Variants in DLGAP1 observed in about 807,000 individuals in gnomAD.
DLGAP1 encodes the protein disks large-associated protein 1.
Under a neutral mutation model 90.8 loss-of-function variants are expected in DLGAP1, and 11 were observed. The observed-to-expected ratio is 0.12, with a 90% confidence interval of 0.08 to 0.20. The LOEUF (loss-of-function observed/expected upper bound fraction) is 0.20. Ranked by LOEUF, DLGAP1 falls within the 10% of genes least tolerant of loss-of-function variation. DLGAP1 has a pLI of 1.00. For missense variants in DLGAP1, 1,050 were observed against 1,333.8 expected (o/e 0.79, Z 3.31); for synonymous variants, 558 against 540.7 (o/e 1.03, Z -0.44).
Position 3,879,836 on chromosome 18 carries a change from T to A in DLGAP1, c.233A>T (p.Gln78Leu). 1 of 1,609,458 alleles carries A rather than the reference T, an allele frequency of 6.2e-7. No individual in the cohort carries two copies. Among genetic ancestry groups the A allele is most frequent in the Non-Finnish European group, 8.5e-7 (1 of 1,179,850 alleles). Residue 78 changes from glutamine to leucine, a missense_variant, in exon 4 of 13, where the codon CAG becomes CTG. Around this residue, in one of 2 missense-constraint regions of DLGAP1, gnomAD observed 485 missense variants for 454.1 expected, o/e 1.07. Transcript: ENST00000315677. The surrounding 1 kb of genome is among the most constrained non-coding windows in gnomAD (Gnocchi z 6.6). ...GGCACACTCGTCCTTCAGCTCTTGC[T>A]GCGAGGTGTAGTGCCTGCGGGGGAA... ...STFPRRHYTS[Q>L]QELKDECALV...
rs527757156 is a variant in DLGAP1, at chr18:3,727,580, G to C, written c.1591+1555C>G. 6.6e-5 allele frequency: 10 copies of C among 152,338 alleles called. No homozygotes were observed. In the East Asian group the frequency reaches 1.9e-3, roughly 29 times the overall value. 9.4% of individuals were successfully genotyped at this position (152,338 alleles called of 1,614,324 possible). ...AGAATGGACCAGACACTGGGAACGGGTTGTGTGTTGGGTGGGGGTGGTGAA... is the reference window on the plus strand; with the variant it reads ...AGAATGGACCAGACACTGGGAACGGCTTGTGTGTTGGGTGGGGGTGGTGAA... On this transcript the variant is annotated intron_variant, in intron 7 of 12. Coordinates refer to ENST00000315677, the MANE Select transcript of DLGAP1 (RefSeq NM_004746.4). This position sits in a 1 kb window ranked among gnomAD's most constrained non-coding sequence, Gnocchi z 4.7.
intron 3 of DLGAP1, among the ~76,000 whole-genome samples, chr18:3,982,840 G>A (rs1044990815): frequency 6.6e-6 from 1 of 152,138 alleles, no homozygotes; most frequent in African/African-American, 2.4e-5. Flanking sequence ...TGGAATGGTG[G>A]AAAATCAAAA....
At chr18:3,549,821 T>C (rs547515109) in intron 9 of DLGAP1, among the ~76,000 whole-genome samples, 1 of 152,340 alleles carries the variant, frequency 6.6e-6, no homozygotes, top group African/African-American at 2.4e-5. Context: ...GCCCCTTCCC[T>C]AAATTCATAT....
intron 4 of DLGAP1, among the ~76,000 whole-genome samples, chr18:3,870,659 A>G (rs2070698081): frequency 6.7e-6 from 1 of 150,266 alleles, no homozygotes. Flanking sequence ...TATCAAATAA[A>G]GTTTGGCCTT....
intron 1 of DLGAP1, among the ~76,000 whole-genome samples, chr18:4,271,429 T>C (rs2079279087): frequency 6.6e-6 from 1 of 152,188 alleles, no homozygotes; most frequent in African/African-American, 2.4e-5. Context: ...TTGCCTGGTA[T>C]CCTTTGGGAA....
intron 1 of DLGAP1, among the ~76,000 whole-genome samples, chr18:4,395,545 T>C (rs2082422776): frequency 6.6e-6 from 1 of 152,174 alleles, no homozygotes; most frequent in Non-Finnish European, 1.5e-5. Context: ...GTAAAGATCA[T>C]TAACATGGTT....
intron 7 of DLGAP1, among the ~76,000 whole-genome samples, chr18:3,708,999 G>GA (rs2061522204): frequency 6.6e-6 from 1 of 152,064 alleles, no homozygotes; most frequent in Non-Finnish European, 1.5e-5. Context: ...GACTGGGACA[G>GA]AAAAAAATTT....
At chr18:3,790,097 A>G (rs1245709484) in intron 5 of DLGAP1, among the ~76,000 whole-genome samples, 1 of 152,120 alleles carries the variant, frequency 6.6e-6, no homozygotes, top group African/African-American at 2.4e-5. Flanking sequence ...ATGGTATGTT[A>G]GAATCAGTGG....
At chr18:4,304,157 T>C (rs1465780734) in intron 1 of DLGAP1, among the ~76,000 whole-genome samples, 1 of 152,192 alleles carries the variant, frequency 6.6e-6, no homozygotes, top group African/African-American at 2.4e-5. Context: ...TCATGAGAAA[T>C]TAGTGTTTAG....
At chr18:3,637,993 C>G (rs1396680157) in intron 7 of DLGAP1, among the ~76,000 whole-genome samples, 2 of 138,192 alleles carry the variant, frequency 1.4e-5, no homozygotes, top group Admixed American at 7.9e-5. Context: ...GTTGCCCAGG[C>G]TGGAATGCAG....
At chr18:3,707,990 C>T (rs2061488556) in intron 7 of DLGAP1, among the ~76,000 whole-genome samples, 1 of 150,650 alleles carries the variant, frequency 6.6e-6, no homozygotes, top group African/African-American at 2.5e-5. Flanking sequence ...AAACTGCATA[C>T]AACTCATCCT....
rs369554373 is a variant in DLGAP1 at position 4,061,927 on chromosome 18, C to T, written c.-158-56726G>A. Among the ~76,000 whole-genome samples, 6 of 152,132 alleles carry T rather than the reference C, an allele frequency of 3.9e-5. 1 individual carries two copies. The highest frequency in any genetic ancestry group is 3.4e-3 in the Middle Eastern group (1 of 294). On this transcript the variant is annotated intron_variant, in intron 2 of 12. Transcript: ENST00000315677. The stretch of plus-strand genomic sequence containing the variant: ...CACCTATAGGACTGTAACAGGTGCT[C>T]TTAAATGCAGGATGCTGATAACTTT...
intron 2 of DLGAP1, among the ~76,000 whole-genome samples, chr18:4,041,667 T>C (rs1351953079): frequency 6.6e-6 from 1 of 152,190 alleles, no homozygotes; most frequent in Non-Finnish European, 1.5e-5. Context: ...ACTCTTTCAA[T>C]ATCCCACCCT....
chr18:4,014,504 T>C (rs1193052441), intron 2 of DLGAP1, among the ~76,000 whole-genome samples: 2 of 152,134 alleles, frequency 1.3e-5, no homozygotes, highest in East Asian at 3.9e-4. Flanking sequence ...GAAATTACAG[T>C]TAACAAAAAT....
chr18:3,551,961 T>A (rs1298764186), intron 9 of DLGAP1, among the ~76,000 whole-genome samples: 4 of 118,254 alleles, frequency 3.4e-5, no homozygotes, highest in African/African-American at 2.0e-4. Context: ...TTTTAAATTG[T>A]TTTTTTTTTT....
At chr18:3,523,698 T>C (rs762807451) in intron 10 of DLGAP1, among the ~76,000 whole-genome samples, 87 of 151,790 alleles carry the variant, frequency 5.7e-4, no homozygotes, top group Non-Finnish European at 1.2e-3. Context: ...ATACAAAAAA[T>C]TAGCCAGGCG....
chr18:4,046,417 G>A (rs766389699), intron 2 of DLGAP1, among the ~76,000 whole-genome samples: 6 of 152,214 alleles, frequency 3.9e-5, no homozygotes, highest in Non-Finnish European at 5.9e-5. Context: ...AAAAGTGGGT[G>A]TCTTTCCATA....
intron 1 of DLGAP1, among the ~76,000 whole-genome samples, chr18:4,276,606 A>G (rs2079421437): frequency 6.6e-6 from 1 of 152,056 alleles, no homozygotes; most frequent in South Asian, 2.1e-4. Flanking sequence ...ACTGCACTCC[A>G]GCCTGGATGA....
At chr18:3,539,511 G>A (rs1254814541) in intron 9 of DLGAP1, among the ~76,000 whole-genome samples, 1 of 152,224 alleles carries the variant, frequency 6.6e-6, no homozygotes, top group Non-Finnish European at 1.5e-5. Flanking sequence ...TGAATAGCCA[G>A]AAGAAAGTCA....
Sources: allele counts gnomAD v4.1 joint callset (sites outside exome capture counted in the v4.1 genomes callset), GRCh38; gene constraint gnomAD v4.1.1; regional missense constraint gnomAD v4.1.1; non-coding constraint Gnocchi (gnomAD v3.1); transcripts MANE v1.5; gene names NCBI Gene and HGNC (gene_info 2026-07-23, HGNC 2026-07-21).